Variants in ABCC12 observed in about 807,000 individuals in gnomAD.
The protein encoded by ABCC12 is ATP-binding cassette sub-family C member 12.
A neutral mutation model predicts 151.1 loss-of-function variants in ABCC12; 142 were observed. The ratio of observed to expected loss-of-function variants is 0.94; its 90% CI spans 0.82 to 1.08. ABCC12 has a LOEUF of 1.08. ABCC12 is among the 50% of genes least tolerant of loss of function. The probability of loss-of-function intolerance (pLI) is 0.00; values close to 1 mark genes in which losing one functional copy is unlikely to be tolerated. For synonymous variants in ABCC12, 645 were observed against 646.4 expected (o/e 1.00, Z 0.03); for missense variants, 1,638 against 1,691.1 (o/e 0.97, Z 0.55).
Position 48,115,559 on chromosome 16 carries a change from G to A in ABCC12, c.1845C>T (p.Arg615=), listed in dbSNP as rs762941970. 2.4e-5 allele frequency: 39 copies of A among 1,614,176 alleles called. No individual in the cohort carries two copies. Among genetic ancestry groups the A allele is most frequent in the Admixed American group, 1.8e-4 (11 of 60,018 alleles). ...GGQRQRISLA[R]AVYSDRQLYL... ...AGAGCTGACGGTCGGAGTAGACAGC[G>A]CGGGCCAGGCTAATCCTCTGCCTCT... The change falls in exon 15 of 31, where the codon CGC becomes CGT. Residue 615 remains arginine (R), a synonymous_variant. Coordinates refer to ENST00000311303, the MANE Select transcript of ABCC12 (RefSeq NM_001393797.1).
chr16:48,113,536 A>G (rs1177005021), intron 15 of ABCC12, among the ~76,000 whole-genome samples: 1 of 152,126 alleles, frequency 6.6e-6, no homozygotes, highest in East Asian at 1.9e-4. Context: ...GCGATCATCC[A>G]CCCCAACCAC....
chr16:48,085,562 T>C (rs1238751556), intron 29 of ABCC12, 31 bp downstream of exon 29: 1 of 1,600,714 alleles, frequency 6.2e-7, no homozygotes, highest in Admixed American at 1.7e-5. Context: ...ATATCCAAAA[T>C]TTGACCAATC....
chr16:48,147,513 T>C (rs183419731), intron 2 of ABCC12, among the ~76,000 whole-genome samples: 1 of 152,298 alleles, frequency 6.6e-6, no homozygotes. Flanking sequence ...TCCCATCAAG[T>C]TGTTAGTGGC....
At chr16:48,110,183 G>T (rs573740874) in intron 18 of ABCC12, among the ~76,000 whole-genome samples, 25 of 152,332 alleles carry the variant, frequency 1.6e-4, no homozygotes, top group Middle Eastern at 6.8e-3. Context: ...GCGTGCATTT[G>T]TCACAAGCAC....
At chr16:48,140,998 C>T (rs1238461427) in intron 5 of ABCC12, 78 bp from the exon 6 acceptor site, 4 of 1,461,420 alleles carry the variant, frequency 2.7e-6, no homozygotes, top group Admixed American at 2.0e-5. Flanking sequence ...ATCATGCCAG[C>T]AAGCTGACTT....
chr16:48,134,883 T>C (rs926232332), intron 8 of ABCC12, among the ~76,000 whole-genome samples: 8 of 151,996 alleles, frequency 5.3e-5, no homozygotes, highest in Non-Finnish European at 1.0e-4. Context: ...AAACCCCGTC[T>C]CTACTAAATA....
At chr16:48,095,157 G>A (rs1963049272) in intron 24 of ABCC12, among the ~76,000 whole-genome samples, 1 of 152,202 alleles carries the variant, frequency 6.6e-6, no homozygotes, top group Non-Finnish European at 1.5e-5. Context: ...GGACCCAGTG[G>A]GTTGGGAGAT....
chr16:48,141,510 CA>C (rs1424191741), intron 4 of ABCC12, among the ~76,000 whole-genome samples, 157 bp from the exon 5 acceptor site: 1 of 152,206 alleles, frequency 6.6e-6, no homozygotes, highest in Non-Finnish European at 1.5e-5. Flanking sequence ...TCTTCCTGAG[CA>C]GGTGGGATTT....
chr16:48,151,605 G>C (rs577766611), intron 2 of ABCC12, among the ~76,000 whole-genome samples: 1 of 152,288 alleles, frequency 6.6e-6, no homozygotes, highest in African/African-American at 2.4e-5. Context: ...TGGGGTACTG[G>C]AGAACTCTGT....
chr16:48,145,815 C>A (rs1964980935), intron 3 of ABCC12, among the ~76,000 whole-genome samples: 1 of 152,226 alleles, frequency 6.6e-6, no homozygotes, highest in Admixed American at 6.5e-5. Flanking sequence ...CCAAATGAAC[C>A]ACCCAGCTGA....
intron 30 of ABCC12, 32 bp downstream of exon 30, chr16:48,083,877 T>A (rs766139127): frequency 1.2e-6 from 2 of 1,612,754 alleles, no homozygotes; most frequent in South Asian, 2.2e-5. Context: ...CTGGACTTTC[T>A]GGGGAGGTGA....
chr16:48,133,301 T>C (rs1280167768), intron 9 of ABCC12, among the ~76,000 whole-genome samples: 1 of 152,178 alleles, frequency 6.6e-6, no homozygotes, highest in East Asian at 1.9e-4. Context: ...ATAGGTGGAC[T>C]ACCTGAGGTC....
chr16:48,116,024 A>T (rs186058634), intron 14 of ABCC12, among the ~76,000 whole-genome samples: 1 of 152,272 alleles, frequency 6.6e-6, no homozygotes, highest in Non-Finnish European at 1.5e-5. Flanking sequence ...GTGCAGATGG[A>T]AAAGCGAGTT....
intron 19 of ABCC12, among the ~76,000 whole-genome samples, chr16:48,107,702 T>C (rs981406088): frequency 6.6e-6 from 1 of 152,140 alleles, no homozygotes; most frequent in African/African-American, 2.4e-5. Context: ...CAATATTCTT[T>C]TAAAAGAAGC....
intron 24 of ABCC12, among the ~76,000 whole-genome samples, chr16:48,095,478 A>C (rs937006080): frequency 3.3e-5 from 5 of 151,630 alleles, no homozygotes; most frequent in Non-Finnish European, 2.9e-5. Context: ...AATATGCTGC[A>C]TCCATGTAAA....
chr16:48,085,145 C>T (rs1962530820), intron 29 of ABCC12, among the ~76,000 whole-genome samples: 1 of 152,140 alleles, frequency 6.6e-6, no homozygotes, highest in African/African-American at 2.4e-5. Context: ...AAAGCAACAG[C>T]AATCCCTTCC....
intron 18 of ABCC12, among the ~76,000 whole-genome samples, chr16:48,109,155 G>A (rs1252109521): frequency 6.6e-6 from 1 of 152,178 alleles, no homozygotes; most frequent in Non-Finnish European, 1.5e-5. Flanking sequence ...AGGGGGCTGG[G>A]CATGCTGAAG....
chr16:48,086,673 C>T, intron 28 of ABCC12, 68 bp downstream of exon 28: 3 of 1,416,284 alleles, frequency 2.1e-6, no homozygotes, highest in South Asian at 2.3e-5. Context: ...CAAATTTAAA[C>T]ATAGGCCAGG....
At position 48,088,638 on chromosome 16, in the gene ABCC12, T is replaced by A; in HGVS notation, c.3382A>T (p.Arg1128Ter). ...ACAAGGGGGGTGTTGTCTCTGTATC[T>A]CATCTGATAGTCTCTGAAGGTGATC... ...GEITFRDYQM[R>*]YRDNTPLVLD... The change falls in exon 26 of 31, where the codon AGA (arginine) becomes TGA (stop). Residue 1128 changes from arginine (R) to a stop codon, truncating the protein, a stop_gained. Coordinates refer to ENST00000311303, the MANE Select transcript of ABCC12 (RefSeq NM_001393797.1). LOFTEE classifies it high-confidence loss of function. The A allele has an allele frequency of 6.2e-7, 1 of 1,614,204 alleles. No individual in the cohort carries two copies.
Sources: allele counts gnomAD v4.1 joint callset (sites outside exome capture counted in the v4.1 genomes callset), GRCh38; gene constraint gnomAD v4.1.1; transcripts MANE v1.5; gene names NCBI Gene and HGNC (gene_info 2026-07-23, HGNC 2026-07-21).